DNAJB1: variants seen among roughly 807,000 people sequenced by gnomAD.
The protein encoded by DNAJB1 is dnaJ homolog subfamily B member 1.
In DNAJB1, 14 loss-of-function variants were observed where a neutral mutation model predicts 24.0. The ratio of observed to expected loss-of-function variants is 0.58; its 90% CI spans 0.39 to 0.91. The LOEUF (loss-of-function observed/expected upper bound fraction) is 0.91, where lower values mean the gene tolerates loss of function less well. Ranked by LOEUF, DNAJB1 falls within the 40% of genes least tolerant of loss-of-function variation. The pLI, the probability that DNAJB1 is intolerant of heterozygous loss-of-function variation, is 0.00. For synonymous variants in DNAJB1, 262 were observed against 174.4 expected (o/e 1.50, Z -3.96); for missense variants, 517 against 458.1 (o/e 1.13, Z -1.17).
rs533380690 is a variant in DNAJB1, at chr19:14,537,744, G to GTTT, written c.-213-9937_-213-9935dup. On this transcript the variant is annotated intron_variant, in intron 1 of 3. Transcript: ENST00000676982. ...GTGAATATAGTGCTTAATTATCAGT[G>GTTT]TTTTTTTTTTTTTTTTTTTGAGACG... Among the ~76,000 whole-genome samples the GTTT allele has an allele frequency of 4.0e-3, 499 of 126,238 alleles. 6 individuals are homozygous for GTTT. The highest frequency in any genetic ancestry group is 0.018 in the South Asian group (72 of 3,994). 82.8% of individuals were successfully genotyped at this position (126,238 alleles called of 152,430 possible).
chr19:14,515,873 G>C lies in DNAJB1; in HGVS notation c.*67C>G, dbSNP rs2072248280. ...CCCACCCTCTCATGGTCCACAACTG[G>C]TAGAAAGGTCCAGAAATCCTTGAGC... is the stretch of plus-strand genomic sequence containing the variant. On this transcript the variant is annotated 3_prime_UTR_variant, in exon 3 of 3. Transcript: ENST00000254322. 3 of 1,508,870 alleles carry C rather than the reference G, an allele frequency of 2.0e-6. No individual in the cohort carries two copies. The Admixed American group carries it at 5.9e-5, about 30-fold the overall frequency. 93.5% of individuals were successfully genotyped at this position (1,508,870 alleles called of 1,614,324 possible).
chr19:14,553,828 G>T (rs1482696245), upstream of DNAJB1, among the ~76,000 whole-genome samples: 1 of 152,152 alleles, frequency 6.6e-6, no homozygotes, highest in Non-Finnish European at 1.5e-5. Context: ...CAGCGCTTGT[G>T]CCCGGCGCGG....
chr19:14,526,205 T>C (rs541863408), intron 2 of DNAJB1, among the ~76,000 whole-genome samples: 2 of 152,300 alleles, frequency 1.3e-5, no homozygotes, highest in South Asian at 4.1e-4. Context: ...ATTACTTTAA[T>C]AAAGGAGCTA....
At chr19:14,517,406 T>C (rs575101891) in intron 1 of DNAJB1, 1 of 219,630 alleles carries the variant, frequency 4.6e-6, no homozygotes, top group African/African-American at 2.3e-5. Context: ...CTCTCAACGT[T>C]TTAGGGCTAA....
At chr19:14,526,723 C>A (rs1333960326) in intron 2 of DNAJB1, among the ~76,000 whole-genome samples, 1 of 152,154 alleles carries the variant, frequency 6.6e-6, no homozygotes, top group East Asian at 1.9e-4. Flanking sequence ...CCTACTTGTA[C>A]ACCATCATGC....
At position 14,516,705 on chromosome 19, in the gene DNAJB1, T is replaced by G; in HGVS notation, c.553A>C (p.Ile185Leu). Reference sequence around the variant, plus strand: ...TCGGGGTTTAGCCGCTTGTGGGAGATTTTCATCTTCTTGGTACAGCCGCTG... The same window carrying G: ...TCGGGGTTTAGCCGCTTGTGGGAGAGTTTCATCTTCTTGGTACAGCCGCTG... ...IYSGCTKKMK[I>L]SHKRLNPDGK... The change falls in exon 2 of 3, where the codon ATC becomes CTC. Residue 185 changes from isoleucine (I) to leucine (L), a missense_variant. Transcript: ENST00000254322. 2 of 1,614,110 alleles carry G rather than the reference T, an allele frequency of 1.2e-6. 1 individual carries two copies. Among genetic ancestry groups the G allele is most frequent in the South Asian group, 2.2e-5 (2 of 91,074 alleles).
At chr19:14,556,082 G>A (rs748013489) in intron 1 of DNAJB1, among the ~76,000 whole-genome samples, 23 of 151,982 alleles carry the variant, frequency 1.5e-4, no homozygotes, top group East Asian at 3.9e-4. Flanking sequence ...CGTCCTCCCC[G>A]TGGCCCACAA....
chr19:14,559,707 A>G (rs958904363), intron 1 of DNAJB1, among the ~76,000 whole-genome samples: 2 of 151,928 alleles, frequency 1.3e-5, no homozygotes, highest in Admixed American at 1.3e-4. Flanking sequence ...GAATCGTTTG[A>G]ACCTGGGGGG....
intron 2 of DNAJB1, among the ~76,000 whole-genome samples, chr19:14,526,318 C>G (rs766146884): frequency 6.6e-6 from 1 of 152,218 alleles, no homozygotes; most frequent in African/African-American, 2.4e-5. Flanking sequence ...GCTGTCCCTA[C>G]AGACAGGCAC....
upstream of DNAJB1, chr19:14,529,974 G>T: frequency 1.8e-6 from 1 of 568,328 alleles, no homozygotes; most frequent in Non-Finnish European, 3.2e-6. Flanking sequence ...ACGCTTGCAG[G>T]TTCCTTGCAG....
chr19:14,518,384 C>T lies in DNAJB1; in HGVS notation c.-35G>A, dbSNP rs1285738738. 1 of 1,520,388 alleles carries T rather than the reference C, an allele frequency of 6.6e-7. No individual in the cohort carries two copies. 94.2% of individuals were successfully genotyped at this position (1,520,388 alleles called of 1,614,324 possible). On this transcript the variant is annotated 5_prime_UTR_variant, in exon 1 of 3. Coordinates refer to ENST00000254322, the MANE Select transcript of DNAJB1 (RefSeq NM_006145.3). ...CTGCGGCCCGCCGACCCGCTGTCGC[C>T]GTCCCCCGGCTCCGCCGCCGACCAG...
intron 1 of DNAJB1, among the ~76,000 whole-genome samples, chr19:14,557,979 TCTC>T (rs1179583454): frequency 6.6e-6 from 1 of 151,726 alleles, no homozygotes; most frequent in Non-Finnish European, 1.5e-5. Context: ...ATGGTCTCGA[TCTC>T]CTGACCTCGT....
rs2073775885 is a variant in DNAJB1, at chr19:14,557,624, G to A, written c.-2166+2407C>T. On this transcript the variant is annotated intron_variant, in intron 1 of 5. Coordinates refer to the DNAJB1 transcript ENST00000679223. ...GCACCACCACGCCTGGCTAATTTTTGTATCTTTGGTAGAGACGGGGTTTCG... is the reference window on the plus strand; with the variant it reads ...GCACCACCACGCCTGGCTAATTTTTATATCTTTGGTAGAGACGGGGTTTCG... 1.3e-5 allele frequency among the ~76,000 whole-genome samples: 2 copies of A among 149,728 alleles called. 1 individual carries two copies. The highest frequency in any genetic ancestry group is 4.2e-4 in the South Asian group (2 of 4,756).
chr19:14,519,633 C>G (rs2072339118), upstream of DNAJB1, among the ~76,000 whole-genome samples: 1 of 152,202 alleles, frequency 6.6e-6, no homozygotes, highest in South Asian at 2.1e-4. Context: ...CCCTCCCAGT[C>G]TGACATCGCC....
At chr19:14,516,290 A>T (rs1174316866) in intron 2 of DNAJB1, 120 bp from the exon 3 acceptor site, 3 of 1,285,384 alleles carry the variant, frequency 2.3e-6, no homozygotes, top group South Asian at 1.3e-5. Context: ...CTGGCCCCCA[A>T]ATCTACACGT....
At chr19:14,523,246 G>A (rs1050346315), upstream of DNAJB1, among the ~76,000 whole-genome samples, 1 of 152,158 alleles carries the variant, frequency 6.6e-6, no homozygotes, top group African/African-American at 2.4e-5. Flanking sequence ...TACGCTGCTG[G>A]TGTTGCTATG....
Position 14,515,900 on chromosome 19 carries a change from C to A in DNAJB1, c.*40G>T, listed in dbSNP as rs541792196. The stretch of plus-strand genomic sequence containing the variant: ...AGAAAGGTCCAGAAATCCTTGAGCT[C>A]TGGAAAGGTCCCTGGTCAGTCCTTG... On this transcript the variant is annotated 3_prime_UTR_variant, in exon 3 of 3. Coordinates refer to ENST00000254322, the MANE Select transcript of DNAJB1 (RefSeq NM_006145.3). 8.8e-6 allele frequency: 14 copies of A among 1,590,668 alleles called. No individual in the cohort carries two copies. In the South Asian group the frequency reaches 1.5e-4, roughly 17 times the overall value.
upstream of DNAJB1, among the ~76,000 whole-genome samples, chr19:14,519,861 G>T (rs2072341861): frequency 6.6e-6 from 1 of 152,150 alleles, no homozygotes; most frequent in Non-Finnish European, 1.5e-5. Flanking sequence ...AGTCTGGGGT[G>T]CCTCTGTCAA....
chr19:14,539,724 C>T (rs1411503679), intron 1 of DNAJB1, among the ~76,000 whole-genome samples: 6 of 152,154 alleles, frequency 3.9e-5, no homozygotes, highest in African/African-American at 1.2e-4. Context: ...CTGCTTTCCT[C>T]ATGCCTGGCC....
Sources: allele counts gnomAD v4.1 joint callset (sites outside exome capture counted in the v4.1 genomes callset), GRCh38; gene constraint gnomAD v4.1.1; transcripts MANE v1.5; gene names NCBI Gene and HGNC (gene_info 2026-07-23, HGNC 2026-07-21).